The following LHFPL3 variants were observed in gnomAD, a reference collection of about 807,000 sequenced individuals.
LHFPL3 encodes LHFPL tetraspan subfamily member 3 protein.
In LHFPL3, 5 loss-of-function variants were observed where a neutral mutation model predicts 19.3. The observed-to-expected ratio is 0.26, with a 90% CI of 0.14 to 0.54. The LOEUF is 0.54. Among genes scored for constraint, LHFPL3 ranks in the 20% least tolerant of loss-of-function variants. The probability of loss-of-function intolerance (pLI) is 0.94; values close to 1 mark genes in which losing one functional copy is unlikely to be tolerated. For missense variants in LHFPL3, 249 were observed against 307.4 expected (o/e 0.81, Z 1.42); for synonymous variants, 133 against 126.2 (o/e 1.05, Z -0.36).
At chr7:104,604,635 G>T (rs1164481258) in intron 1 of LHFPL3, among the ~76,000 whole-genome samples, 1 of 152,182 alleles carries the variant, frequency 6.6e-6, no homozygotes, top group Non-Finnish European at 1.5e-5. Context: ...TAATTTTGAA[G>T]TTTCTATGAC....
intron 1 of LHFPL3, among the ~76,000 whole-genome samples, chr7:104,719,328 A>G (rs114878345): frequency 1.7e-3 from 265 of 152,300 alleles, no homozygotes; most frequent in African/African-American, 5.3e-3. Flanking sequence ...TTAAGAACAT[A>G]TAAAAATGTT....
chr7:104,465,739 G>C (rs1562906039), intron 1 of LHFPL3, among the ~76,000 whole-genome samples: 3 of 152,098 alleles, frequency 2.0e-5, no homozygotes, highest in Non-Finnish European at 4.4e-5. Context: ...TCCCTCCCAT[G>C]ACATGTGGGG....
intron 2 of LHFPL3, chr7:104,800,069 GC>G (rs374331793): frequency 5.9e-5 from 9 of 152,652 alleles, no homozygotes; most frequent in Non-Finnish European, 1.3e-4. Flanking sequence ...TGAAATGTGA[GC>G]TGAAATTTAA....
chr7:104,622,355 C>A (rs1017750287), intron 1 of LHFPL3, among the ~76,000 whole-genome samples: 3 of 152,164 alleles, frequency 2.0e-5, no homozygotes, highest in African/African-American at 7.2e-5. Flanking sequence ...TCAAGCAATC[C>A]GCTTGCCTCA....
intron 1 of LHFPL3, among the ~76,000 whole-genome samples, chr7:104,400,662 C>T (rs1192701217): frequency 2.6e-5 from 4 of 152,036 alleles, no homozygotes; most frequent in Non-Finnish European, 4.4e-5. Context: ...AGACAAAATC[C>T]TCTCCACTCA....
chr7:104,661,761 T>A (rs147731972), intron 1 of LHFPL3, among the ~76,000 whole-genome samples: 526 of 152,356 alleles, frequency 3.5e-3, no homozygotes, highest in African/African-American at 0.012. Flanking sequence ...GTTCTCACTG[T>A]AGATTTTTGC....
intron 2 of LHFPL3, among the ~76,000 whole-genome samples, chr7:104,756,684 G>A (rs1238740157): frequency 6.6e-6 from 1 of 152,142 alleles, no homozygotes; most frequent in South Asian, 2.1e-4. Flanking sequence ...ATTTTTAGTA[G>A]AGATGGGGTT....
intron 1 of LHFPL3, among the ~76,000 whole-genome samples, chr7:104,358,153 C>T (rs1321387011): frequency 6.6e-6 from 1 of 152,136 alleles, no homozygotes; most frequent in Non-Finnish European, 1.5e-5. Context: ...TTGCCAGGAC[C>T]TGGGGGAGTG....
At chr7:104,758,079 C>T (rs1229753052) in intron 2 of LHFPL3, among the ~76,000 whole-genome samples, 1 of 152,158 alleles carries the variant, frequency 6.6e-6, no homozygotes, top group Admixed American at 6.6e-5. Context: ...TGGAGGCCAT[C>T]ATCCTAAGCG....
In LHFPL3 at chr7:104,329,019, C is replaced by A; in HGVS notation, c.240C>A (p.Ile80=). 5.6e-6 allele frequency: 9 copies of A among 1,614,090 alleles called. No homozygotes were observed. Among genetic ancestry groups the A allele is most frequent in the Non-Finnish European group, 6.8e-6 (8 of 1,179,924 alleles). Residue 80 remains isoleucine (I), a synonymous_variant, in exon 1 of 3, where the codon ATC becomes ATA. Coordinates refer to ENST00000424859, the MANE Select transcript of LHFPL3 (RefSeq NM_199000.3). ...AGYFGLFHYC[I]GNGFSRELTC... is the part of the protein sequence containing the mutation. ...ATTTCGGGCTCTTCCACTACTGCAT[C>A]GGCAACGGCTTCTCCCGGGAGCTGA...
intron 1 of LHFPL3, among the ~76,000 whole-genome samples, chr7:104,356,915 C>A (rs889717404): frequency 7.2e-5 from 11 of 152,160 alleles, no homozygotes; most frequent in Non-Finnish European, 1.5e-4. Flanking sequence ...GGCTAGCGAG[C>A]ACTGCTGCCT....
At chr7:104,490,299 G>C (rs1351213738) in intron 1 of LHFPL3, among the ~76,000 whole-genome samples, 1 of 152,024 alleles carries the variant, frequency 6.6e-6, no homozygotes, top group African/African-American at 2.4e-5. Context: ...GGGTACATCT[G>C]TTTCACTCCT....
chr7:104,653,886 T>C (rs565330349), intron 1 of LHFPL3, among the ~76,000 whole-genome samples: 1 of 152,324 alleles, frequency 6.6e-6, no homozygotes, highest in South Asian at 2.1e-4. Context: ...ATTCATTCTG[T>C]TAAGCTTCAT....
At chr7:104,359,064 G>A (rs781711184) in intron 1 of LHFPL3, among the ~76,000 whole-genome samples, 1 of 152,206 alleles carries the variant, frequency 6.6e-6, no homozygotes, top group Non-Finnish European at 1.5e-5. Context: ...TCCCCTGGAT[G>A]AGCCTGCATG....
chr7:104,630,341 A>T (rs901468902), intron 1 of LHFPL3, among the ~76,000 whole-genome samples: 3 of 152,210 alleles, frequency 2.0e-5, no homozygotes, highest in Non-Finnish European at 4.4e-5. Context: ...ACTGGTTTAC[A>T]GAAGGAAATA....
chr7:104,629,292 G>C (rs966610478), intron 1 of LHFPL3, among the ~76,000 whole-genome samples: 4 of 152,050 alleles, frequency 2.6e-5, no homozygotes, highest in Non-Finnish European at 5.9e-5. Context: ...AAAGATGGAC[G>C]GGGGATCAGC....
intron 1 of LHFPL3, among the ~76,000 whole-genome samples, chr7:104,710,199 A>T (rs1793275455): frequency 6.6e-6 from 1 of 152,234 alleles, no homozygotes; most frequent in African/African-American, 2.4e-5. Flanking sequence ...CAGCATGCCA[A>T]TACTTTGAAA....
intron 2 of LHFPL3, among the ~76,000 whole-genome samples, chr7:104,793,801 C>T (rs1043879492): frequency 3.3e-5 from 5 of 152,186 alleles, no homozygotes; most frequent in African/African-American, 1.2e-4. Context: ...ATTTTTGAAA[C>T]TCGAACTCTT....
intron 1 of LHFPL3, among the ~76,000 whole-genome samples, chr7:104,735,670 G>A (rs1425818934): frequency 6.6e-6 from 1 of 152,244 alleles, no homozygotes; most frequent in African/African-American, 2.4e-5. Flanking sequence ...CTTCCCAGGT[G>A]AGGCAATGCA....
Sources: allele counts gnomAD v4.1 joint callset (sites outside exome capture counted in the v4.1 genomes callset), GRCh38; gene constraint gnomAD v4.1.1; transcripts MANE v1.5; gene names NCBI Gene and HGNC (gene_info 2026-07-23, HGNC 2026-07-21).